The following CDH13 variants were observed in gnomAD, a reference collection of about 807,000 sequenced individuals.
CDH13 encodes the protein cadherin-13.
CDH13 carries 24 observed loss-of-function variants against 63.8 expected under a neutral mutation model. The ratio of observed to expected loss-of-function variants is 0.38; its 90% CI spans 0.27 to 0.53. The LOEUF (loss-of-function observed/expected upper bound fraction) is 0.53. Among genes scored for constraint, CDH13 ranks in the 20% least tolerant of loss-of-function variants. The pLI is 0.85. For synonymous variants in CDH13, 503 were observed against 355.3 expected, an observed-to-expected ratio of 1.42 and a Z score of -4.67; for missense variants, 1,049 against 903.1, an observed-to-expected ratio of 1.16 and a Z score of -2.07.
At chr16:83,163,867 T>G (rs7198351) in intron 4 of CDH13, among the ~76,000 whole-genome samples, 33,103 of 151,976 alleles carry the variant, frequency 0.22, 4,988 homozygotes, top group African/African-American at 0.43. Context: ...CTGTACCATA[T>G]CCTAACCCAT....
intron 3 of CDH13, among the ~76,000 whole-genome samples, chr16:83,053,223 C>T (rs1371861290): frequency 6.6e-6 from 1 of 151,872 alleles, no homozygotes; most frequent in East Asian, 1.9e-4. Context: ...TGTTAAAATG[C>T]CTAGGGATGG....
At chr16:83,069,450 T>C (rs1273298711) in intron 3 of CDH13, among the ~76,000 whole-genome samples, 1 of 152,172 alleles carries the variant, frequency 6.6e-6, no homozygotes, top group Non-Finnish European at 1.5e-5. Context: ...ATGTGAACAT[T>C]TCATGTATGT....
intron 1 of CDH13, among the ~76,000 whole-genome samples, chr16:82,661,901 G>A (rs988327960): frequency 6.6e-6 from 1 of 152,212 alleles, no homozygotes; most frequent in Non-Finnish European, 1.5e-5. Flanking sequence ...TAATATAGTA[G>A]CCACTAGTTA....
chr16:83,739,571 C>A (rs1911867523), intron 10 of CDH13, among the ~76,000 whole-genome samples: 1 of 152,016 alleles, frequency 6.6e-6, no homozygotes, highest in Admixed American at 6.5e-5. Flanking sequence ...ACAAACCCAC[C>A]TAACTAAGCC....
At chr16:83,660,541 C>T (rs1913342250) in intron 8 of CDH13, among the ~76,000 whole-genome samples, 1 of 152,226 alleles carries the variant, frequency 6.6e-6, no homozygotes, top group Non-Finnish European at 1.5e-5. Flanking sequence ...TCACCTCCTT[C>T]TGTGTGGCCC....
At chr16:82,816,170 A>T (rs2037697847) in intron 1 of CDH13, among the ~76,000 whole-genome samples, 1 of 152,134 alleles carries the variant, frequency 6.6e-6, no homozygotes. Flanking sequence ...TTACGTACAT[A>T]CAAGGAGCCC....
At chr16:83,276,079 G>A (rs1265911388) in intron 5 of CDH13, among the ~76,000 whole-genome samples, 2 of 152,128 alleles carry the variant, frequency 1.3e-5, no homozygotes, top group African/African-American at 4.8e-5. Context: ...CAGGATCATA[G>A]CACATCAGGA....
intron 2 of CDH13, among the ~76,000 whole-genome samples, chr16:82,996,608 G>A (rs72792149): frequency 0.13 from 19,716 of 152,118 alleles, 1,660 homozygotes; most frequent in African/African-American, 0.24. Flanking sequence ...TAAGTTTTAC[G>A]CCTTATAAGG....
chr16:83,093,413 G>A (rs2034028596), intron 3 of CDH13, among the ~76,000 whole-genome samples: 1 of 136,928 alleles, frequency 7.3e-6, no homozygotes, highest in Admixed American at 8.4e-5. Context: ...CCACCTCCCG[G>A]GTTCAAGCGA....
chr16:83,668,717 G>C (rs1914230485), intron 8 of CDH13, among the ~76,000 whole-genome samples: 1 of 152,190 alleles, frequency 6.6e-6, no homozygotes, highest in Non-Finnish European at 1.5e-5. Context: ...ACTTAGGTCT[G>C]ATCTTTGGGT....
chr16:83,481,926 G>T (rs74381271), intron 6 of CDH13, among the ~76,000 whole-genome samples: 2 of 152,132 alleles, frequency 1.3e-5, no homozygotes, highest in African/African-American at 2.4e-5. Flanking sequence ...ATGGAGTCCA[G>T]TGTGTGGGAC....
At chr16:83,335,089 C>G (rs1389486467) in intron 5 of CDH13, among the ~76,000 whole-genome samples, 1 of 152,208 alleles carries the variant, frequency 6.6e-6, no homozygotes, top group Admixed American at 6.5e-5. Flanking sequence ...CAATCACACT[C>G]TACCTTGCAA....
At chr16:83,347,390 C>T (rs1192093285) in intron 6 of CDH13, among the ~76,000 whole-genome samples, 1 of 151,776 alleles carries the variant, frequency 6.6e-6, no homozygotes, top group Non-Finnish European at 1.5e-5. Flanking sequence ...GGGTTGGGGG[C>T]TGACTCTGGA....
At chr16:83,191,731 G>C (rs1358017081) in intron 4 of CDH13, among the ~76,000 whole-genome samples, 5 of 151,798 alleles carry the variant, frequency 3.3e-5, no homozygotes, top group East Asian at 2.0e-4. Flanking sequence ...ATGGGCGAAA[G>C]ATGTAGGCTG....
chr16:83,623,381 C>T (rs1008464549), intron 8 of CDH13, among the ~76,000 whole-genome samples: 1 of 152,172 alleles, frequency 6.6e-6, no homozygotes, highest in Non-Finnish European at 1.5e-5. Flanking sequence ...GCATCCTTCC[C>T]AGCATGCACT....
chr16:83,463,689 G>A (rs990428132), intron 6 of CDH13, among the ~76,000 whole-genome samples: 1 of 152,168 alleles, frequency 6.6e-6, no homozygotes, highest in Non-Finnish European at 1.5e-5. Flanking sequence ...TGTGGTCCTA[G>A]AAACTTGGGA....
At chr16:83,094,508 G>A (rs534659536) in intron 3 of CDH13, among the ~76,000 whole-genome samples, 1 of 152,248 alleles carries the variant, frequency 6.6e-6, no homozygotes, top group Non-Finnish European at 1.5e-5. Flanking sequence ...GAGGTCTTAT[G>A]CCTCCACATT....
chr16:83,491,719 T>G (rs1404855366), intron 7 of CDH13, among the ~76,000 whole-genome samples: 1 of 152,200 alleles, frequency 6.6e-6, no homozygotes, highest in Non-Finnish European at 1.5e-5. Flanking sequence ...TGCCTTTACC[T>G]TATTATCTAT....
intron 1 of CDH13, among the ~76,000 whole-genome samples, chr16:82,765,616 T>C (rs958716545): frequency 6.6e-6 from 1 of 152,172 alleles, no homozygotes; most frequent in African/African-American, 2.4e-5. Flanking sequence ...AAGAGAATAA[T>C]TGCCTTCATA....
Sources: allele counts gnomAD v4.1 joint callset (sites outside exome capture counted in the v4.1 genomes callset), GRCh38; gene constraint gnomAD v4.1.1; transcripts MANE v1.5; gene names NCBI Gene and HGNC (gene_info 2026-07-23, HGNC 2026-07-21).